The following TTC38 variants were observed in gnomAD, a reference collection of about 807,000 sequenced individuals.
The protein encoded by TTC38 is tetratricopeptide repeat protein 38.
In TTC38, 64 loss-of-function variants were observed where a neutral mutation model predicts 64.2. That is an observed-to-expected ratio of 1.00 (90% CI 0.81 to 1.23). The LOEUF is 1.23. Ranked by LOEUF, TTC38 falls within the 50% of genes most tolerant of loss-of-function variation. The pLI is 0.00. For missense variants in TTC38, 573 were observed against 615.5 expected (o/e 0.93, Z 0.73); for synonymous variants, 254 against 249.3 (o/e 1.02, Z -0.18).
At position 46,270,421 on chromosome 22, in the gene TTC38, T is replaced by C. The variant is rs1008673568; in HGVS notation, c.111+1830T>C. Among the ~76,000 whole-genome samples, 2 of 152,254 alleles carry C rather than the reference T, an allele frequency of 1.3e-5. No homozygotes were observed. Among genetic ancestry groups the C allele is most frequent in the African/African-American group, 4.8e-5 (2 of 41,552 alleles). ...AATACACGTACTAATTCTGTGTAGATGTAGGTTAGACAGCTGAAAGGGCAT... is the reference window on the plus strand; with the variant it reads ...AATACACGTACTAATTCTGTGTAGACGTAGGTTAGACAGCTGAAAGGGCAT... On this transcript the variant is annotated intron_variant, in intron 2 of 13. Coordinates refer to ENST00000381031, the MANE Select transcript of TTC38 (RefSeq NM_017931.4). The surrounding 1 kb of genome is among the most constrained non-coding windows in gnomAD (Gnocchi z 4.7).
At chr22:46,286,192 A>C (rs1276801559) in intron 9 of TTC38, among the ~76,000 whole-genome samples, 1 of 148,506 alleles carries the variant, frequency 6.7e-6, no homozygotes, top group Non-Finnish European at 1.5e-5. Flanking sequence ...GAGAGGGGGA[A>C]AAAAAAAAGC....
rs772980180 is a variant in TTC38, at chr22:46,289,546, T to G, written c.1227T>G (p.Gly409=). 5.0e-6 allele frequency: 8 copies of G among 1,592,018 alleles called. No homozygotes were observed. The East Asian group carries it at 1.6e-4, about 31-fold the overall frequency. ...LPIRYRIVQL[G]GSNAQRDVFN... is the part of the protein sequence containing the mutation. ...TCCGCTACCGGATCGTCCAGCTCGG[T>G]GGGAGCAATGCCCAGGTGAGCCGAT... Residue 409 remains glycine, a synonymous_variant, in exon 12 of 14, where the codon GGT becomes GGG. Transcript: ENST00000381031.
intron 6 of TTC38, among the ~76,000 whole-genome samples, chr22:46,279,649 G>A (rs763893643): frequency 1.5e-4 from 23 of 152,222 alleles, no homozygotes; most frequent in Admixed American, 2.6e-4. Context: ...GGGTCGCTGC[G>A]CTCTCTGAAG....
chr22:46,289,655 C>A, intron 12 of TTC38, 94 bp downstream of exon 12: 1 of 1,497,784 alleles, frequency 6.7e-7, no homozygotes, highest in Non-Finnish European at 9.1e-7. Flanking sequence ...GTGTTGGTGC[C>A]AACAATGTGG....
At chr22:46,284,884 A>G (rs539038321) in intron 8 of TTC38, among the ~76,000 whole-genome samples, 10 of 151,904 alleles carry the variant, frequency 6.6e-5, no homozygotes, top group South Asian at 2.1e-4. Context: ...AAAAAAAAAA[A>G]AAAAAAGAAA....
chr22:46,288,126 C>T (rs1056618370), intron 10 of TTC38, among the ~76,000 whole-genome samples: 9 of 152,062 alleles, frequency 5.9e-5, no homozygotes, highest in Non-Finnish European at 1.0e-4. Context: ...GTGGGAAGGC[C>T]GGGGGATCCA....
At chr22:46,286,973 T>G (rs1465105308) in intron 9 of TTC38, 100 bp from the exon 10 acceptor site, 2 of 883,192 alleles carry the variant, frequency 2.3e-6, no homozygotes, top group Non-Finnish European at 3.5e-6. Flanking sequence ...GCTTGCTCTA[T>G]GCAGGCCCCA....
At position 46,272,303 on chromosome 22, in the gene TTC38, C is replaced by T. The variant is rs201732224; in HGVS notation, c.112-32C>T. The stretch of plus-strand genomic sequence containing the variant: ...CTTTGTTAGAATGATCCAAGGGCTC[C>T]GTGAGGACTTGTTTTGCTTTTCCCA... On this transcript the variant is annotated intron_variant, in intron 2 of 13. Transcript: ENST00000381031. The surrounding 1 kb of genome is among the most constrained non-coding windows in gnomAD (Gnocchi z 6.4). 6.6e-5 allele frequency: 104 copies of T among 1,578,958 alleles called. No individual in the cohort carries two copies. The African/African-American group carries it at 8.8e-4, about 13-fold the overall frequency.
rs1251357028 is a variant in TTC38, at chr22:46,271,599, G to A, written c.112-736G>A. 1.3e-5 allele frequency among the ~76,000 whole-genome samples: 2 copies of A among 152,048 alleles called. No homozygotes were observed. The highest frequency in any genetic ancestry group is 2.9e-5 in the Non-Finnish European group (2 of 68,018). On this transcript the variant is annotated intron_variant, in intron 2 of 13. Coordinates refer to ENST00000381031, the MANE Select transcript of TTC38 (RefSeq NM_017931.4). This position sits in a 1 kb window ranked among gnomAD's most constrained non-coding sequence, Gnocchi z 5.5. ...CAACCTCTACCTCCCAGGTTCAGGC[G>A]ATTCTCCTGTCTCAGCCACCCAAGT...
chr22:46,279,650 C>T (rs1392837089), intron 6 of TTC38, among the ~76,000 whole-genome samples: 2 of 152,246 alleles, frequency 1.3e-5, no homozygotes. Flanking sequence ...GGTCGCTGCG[C>T]TCTCTGAAGA....
Position 46,274,164 on chromosome 22 carries a change from G to A in TTC38, c.365+95G>A. 1 of 927,226 alleles carries A rather than the reference G, an allele frequency of 1.1e-6. No homozygotes were observed. Among genetic ancestry groups the A allele is most frequent in the Non-Finnish European group, 1.6e-6 (1 of 619,870 alleles). The allele number at this position is 927,226 out of a possible 1,614,324, so 57.4% of individuals were successfully genotyped here. A position where few individuals can be genotyped will look rare whatever the true frequency, so the allele number is the denominator to read the frequency against. ...TCCTGATGCCCTTGGGACGGGGGCG[G>A]GGTGGGAGAATGCTTCTCTCCCTGC... On this transcript the variant is annotated intron_variant, in intron 4 of 13. Transcript: ENST00000381031. The surrounding 1 kb of genome is among the most constrained non-coding windows in gnomAD (Gnocchi z 4.8).
chr22:46,273,785 G>C lies in TTC38; in HGVS notation c.194-113G>C, dbSNP rs1196379078. ...GGGCCACAGTGCCCAGCCTGCTGCT[G>C]CCTGGCTGGCCCCTCCTGGGACGTG... On this transcript the variant is annotated intron_variant, in intron 3 of 13. Coordinates refer to ENST00000381031, the MANE Select transcript of TTC38 (RefSeq NM_017931.4). This position sits in a 1 kb window ranked among gnomAD's most constrained non-coding sequence, Gnocchi z 5.1. 9.7e-7 allele frequency: 1 copy of C among 1,032,948 alleles called. No individual in the cohort carries two copies. The highest frequency in any genetic ancestry group is 1.6e-5 in the African/African-American group (1 of 62,598). 64.0% of individuals were successfully genotyped at this position (1,032,948 alleles called of 1,614,324 possible). A position where few individuals can be genotyped will look rare whatever the true frequency, so the allele number is the denominator to read the frequency against.
Position 46,274,150 on chromosome 22 carries a change from T to A in TTC38, c.365+81T>A. 2 of 811,880 alleles carry A rather than the reference T, an allele frequency of 2.5e-6. No homozygotes were observed. The highest frequency in any genetic ancestry group is 7.8e-5 in the East Asian group (2 of 25,638). The allele number at this position is 811,880 out of a possible 1,614,324, so 50.3% of individuals were successfully genotyped here. ...GCAGGGTATCCCTTTCCTGATGCCCTTGGGACGGGGGCGGGGTGGGAGAAT... is the reference window on the plus strand; with the variant it reads ...GCAGGGTATCCCTTTCCTGATGCCCATGGGACGGGGGCGGGGTGGGAGAAT... On this transcript the variant is annotated intron_variant, in intron 4 of 13. Transcript: ENST00000381031. The surrounding 1 kb of genome is among the most constrained non-coding windows in gnomAD (Gnocchi z 4.8).
chr22:46,288,701 G>A (rs1335291728), intron 11 of TTC38, 113 bp downstream of exon 11: 2 of 1,111,026 alleles, frequency 1.8e-6, no homozygotes, highest in African/African-American at 1.6e-5. Flanking sequence ...GAGTGCAGCA[G>A]GGGGGATGCC....
rs188400356 is a variant in TTC38, at chr22:46,279,628, T to C, written c.615+967T>C. ...GCAGCATCCTCTCTGGGAGACAGCA[T>C]TGGGGCCCAAGGGTCGCTGCGCTCT... On this transcript the variant is annotated intron_variant, in intron 6 of 13. Transcript: ENST00000381031. Among the ~76,000 whole-genome samples the C allele has an allele frequency of 1.9e-3, 295 of 152,294 alleles. 3 individuals carry two copies. In the East Asian group the frequency reaches 0.023, roughly 12 times the overall value.
At position 46,274,175 on chromosome 22, in the gene TTC38, T is replaced by A; in HGVS notation, c.365+106T>A. ...TTGGGACGGGGGCGGGGTGGGAGAA[T>A]GCTTCTCTCCCTGCCTCCTGAGATG... On this transcript the variant is annotated intron_variant, in intron 4 of 13. Coordinates refer to ENST00000381031, the MANE Select transcript of TTC38 (RefSeq NM_017931.4). The surrounding 1 kb of genome is among the most constrained non-coding windows in gnomAD (Gnocchi z 4.8). The A allele has an allele frequency of 6.6e-6, 6 of 913,660 alleles. No individual in the cohort carries two copies. Among genetic ancestry groups the A allele is most frequent in the Non-Finnish European group, 8.3e-6 (5 of 604,322 alleles). 56.6% of individuals were successfully genotyped at this position (913,660 alleles called of 1,614,324 possible). A position where few individuals can be genotyped will look rare whatever the true frequency, so the allele number is the denominator to read the frequency against.
At chr22:46,278,431 C>G (rs903285780) in intron 5 of TTC38, among the ~76,000 whole-genome samples, 155 bp from the exon 6 acceptor site, 2 of 152,200 alleles carry the variant, frequency 1.3e-5, no homozygotes, top group East Asian at 3.9e-4. Flanking sequence ...GTATGACCTC[C>G]TCTAAACTTA....
intron 10 of TTC38, 76 bp from the exon 11 acceptor site, chr22:46,288,347 C>A: frequency 6.8e-7 from 1 of 1,477,392 alleles, no homozygotes; most frequent in Non-Finnish European, 9.2e-7. Flanking sequence ...AAGGGAAGCG[C>A]CGTGAGGGAG....
Position 46,274,013 on chromosome 22 carries a change from G to C in TTC38, c.309G>C (p.Gln103His), listed in dbSNP as rs1601868113. The change falls in exon 4 of 14, where the codon CAG (glutamine) becomes CAC (histidine). Residue 103 changes from glutamine (Q) to histidine (H), a missense_variant. Gln to His is a conservative substitution (Grantham distance 24). Coordinates refer to ENST00000381031, the MANE Select transcript of TTC38 (RefSeq NM_017931.4). The surrounding 1 kb of genome is among the most constrained non-coding windows in gnomAD (Gnocchi z 4.8). Reference sequence around the variant, plus strand: ...CAATGGTGGAGATTTCAAGAACCCAGCCGCTGACAAGGCGGGAGCAGCTGC... The same window carrying C: ...CAATGGTGGAGATTTCAAGAACCCACCCGCTGACAAGGCGGGAGCAGCTGC... ...VKTMVEISRT[Q>H]PLTRREQLHV... 1 of 1,614,230 alleles carries C rather than the reference G, an allele frequency of 6.2e-7. No individual in the cohort carries two copies. Among genetic ancestry groups the C allele is most frequent in the East Asian group, 2.2e-5 (1 of 44,884 alleles).
Sources: gnomAD v4.1 joint callset for allele counts (sites outside exome capture counted in the v4.1 genomes callset) on GRCh38, gnomAD v4.1.1 for gene constraint, Gnocchi (gnomAD v3.1) non-coding constraint, MANE v1.5 for transcripts, NCBI Gene and HGNC (gene_info 2026-07-23, HGNC 2026-07-21) for gene names.